Variants in MTMR4 observed in about 807,000 individuals in gnomAD.
MTMR4 encodes the protein myotubularin related protein 4, also known as phosphatidylinositol-3,5-bisphosphate 3-phosphatase MTMR4.
MTMR4 carries 30 observed loss-of-function variants against 125.5 expected under a neutral mutation model. That is an observed-to-expected ratio of 0.24 (90% CI 0.18 to 0.32). The LOEUF is 0.32. Among genes scored for constraint, MTMR4 ranks in the 10% least tolerant of loss-of-function variants. The pLI is 1.00. For missense variants in MTMR4, 1,039 were observed against 1,511.5 expected (o/e 0.69, Z 5.18); for synonymous variants, 498 against 564.5 (o/e 0.88, Z 1.67).
chr17:58,515,459 A>T (rs1369567251), upstream of MTMR4, among the ~76,000 whole-genome samples: 1 of 152,184 alleles, frequency 6.6e-6, no homozygotes, highest in East Asian at 1.9e-4. Context: ...GGAGTAATAA[A>T]AGAAAACCTG....
chr17:58,496,267 A>C lies in MTMR4; in HGVS notation c.1917T>G (p.Thr639=), dbSNP rs1372910866. 1.9e-6 allele frequency: 3 copies of C among 1,613,808 alleles called. No homozygotes were observed. The African/African-American group carries it at 4.0e-5, about 22-fold the overall frequency. Residue 639 remains threonine (T), a synonymous_variant, in exon 15 of 18, where the codon ACT becomes ACG. Transcript: ENST00000682306. ...LSACDTSSPL[T]RTSSDPNLNN... ...TCAGGTTAGGGTCACTGGATGTACG[A>C]GTCAGGGGGCTGCTTGTGTCACAGG...
Position 58,512,237 on chromosome 17 carries a change from C to T in MTMR4, c.252+153G>A, listed in dbSNP as rs1385107528. ...CTGACCTCAAGTGATCCACCCGCCT[C>T]GGCCTCCCAAAGTGCTGGGATTACA... On this transcript the variant is annotated intron_variant, in intron 3 of 17. Transcript: ENST00000682306. The surrounding 1 kb of genome is among the most constrained non-coding windows in gnomAD (Gnocchi z 4.1). 4.6e-5 allele frequency among the ~76,000 whole-genome samples: 7 copies of T among 152,204 alleles called. No homozygotes were observed. The highest frequency in any genetic ancestry group is 1.0e-4 in the Non-Finnish European group (7 of 68,028).
chr17:58,502,300 G>A (rs1167076674), intron 14 of MTMR4, among the ~76,000 whole-genome samples: 3 of 151,674 alleles, frequency 2.0e-5, no homozygotes, highest in Non-Finnish European at 4.4e-5. Context: ...TGGGATTACA[G>A]GTGCCTGCCA....
chr17:58,491,933 G>T, intron 17 of MTMR4, 93 bp from the exon 18 acceptor site: 1 of 1,224,766 alleles, frequency 8.2e-7, no homozygotes, highest in Non-Finnish European at 1.1e-6. Context: ...CACTTTGGTA[G>T]GCTGAGGCAG....
intron 10 of MTMR4, 28 bp downstream of exon 10, chr17:58,505,444 G>T (rs1975753399): frequency 8.4e-6 from 13 of 1,539,554 alleles, no homozygotes; most frequent in Non-Finnish European, 1.2e-5. Context: ...GAATGAGACT[G>T]GAAGGAATCC....
In MTMR4 at chr17:58,491,770, C is replaced by G; in HGVS notation, c.3523G>C (p.Asp1175His). Residue 1175 changes from aspartate to histidine, a missense_variant, in exon 18 of 18, where the codon GAC (aspartate) becomes CAC (histidine). By Grantham distance (81) the Asp-to-His change is moderately conservative (BLOSUM62 -1). This residue lies in a region of MTMR4 where 60 missense variants were observed against 129.6 expected (regional missense o/e 0.46). Transcript: ENST00000682306. ...KLPIPDQQLY[D>H]PVLVCNSCYE... ...CATGAGTTACAGACGAGAACTGGGT[C>G]ATAGAGTTGCTGATCAGGAATGGGC... is the stretch of plus-strand genomic sequence containing the variant. 6.2e-7 allele frequency: 1 copy of G among 1,614,076 alleles called. No homozygotes were observed.
chr17:58,513,087 G>C (rs982432674), intron 1 of MTMR4, 146 bp from the exon 2 acceptor site: 2 of 664,810 alleles, frequency 3.0e-6, no homozygotes, highest in African/African-American at 3.8e-5. Flanking sequence ...AAAGAGATCT[G>C]ACTTGGTTGG....
Position 58,512,362 on chromosome 17 carries a change from G to A in MTMR4, c.252+28C>T, listed in dbSNP as rs1314915377. On this transcript the variant is annotated intron_variant, in intron 3 of 17. Coordinates refer to ENST00000682306, the MANE Select transcript of MTMR4 (RefSeq NM_001378067.1). The surrounding 1 kb of genome is among the most constrained non-coding windows in gnomAD (Gnocchi z 4.1). ...TGAACTTCATAGGGATTCTAGCTTA[G>A]GGGTAGGAGAACAATACAGAAACTC... 6.5e-7 allele frequency: 1 copy of A among 1,527,734 alleles called. No homozygotes were observed. Among genetic ancestry groups the A allele is most frequent in the South Asian group, 1.1e-5 (1 of 89,270 alleles). The allele number at this position is 1,527,734 out of a possible 1,614,324, so 94.6% of individuals were successfully genotyped here.
At chr17:58,505,231 T>A (rs1975745534) in intron 10 of MTMR4, among the ~76,000 whole-genome samples, 1 of 152,192 alleles carries the variant, frequency 6.6e-6, no homozygotes, top group Non-Finnish European at 1.5e-5. Flanking sequence ...CTCTCCCCAG[T>A]TCTCTGTGTT....
upstream of MTMR4, chr17:58,516,508 G>A (rs1377904970): frequency 6.5e-7 from 1 of 1,531,694 alleles, no homozygotes; most frequent in Non-Finnish European, 9.0e-7. Flanking sequence ...TAGGACAGGT[G>A]GGGCAGCTTC....
intron 14 of MTMR4, 117 bp from the exon 15 acceptor site, chr17:58,496,447 A>G (rs1391044505): frequency 2.4e-5 from 19 of 804,274 alleles, no homozygotes; most frequent in Non-Finnish European, 3.1e-5. Context: ...GACACTTAAG[A>G]ACACTTAAGT....
In MTMR4 at chr17:58,512,380, A is replaced by T. The variant is rs1182504041; in HGVS notation, c.252+10T>A. The T allele has an allele frequency of 3.8e-6, 6 of 1,599,064 alleles. No homozygotes were observed. The highest frequency in any genetic ancestry group is 5.1e-6 in the Non-Finnish European group (6 of 1,166,200). On this transcript the variant is annotated intron_variant, in intron 3 of 17. Coordinates refer to ENST00000682306, the MANE Select transcript of MTMR4 (RefSeq NM_001378067.1). The surrounding 1 kb of genome is among the most constrained non-coding windows in gnomAD (Gnocchi z 4.1). ...TAGCTTAGGGGTAGGAGAACAATAC[A>T]GAAACTCACGTTGATGACAGAGTCC...
At chr17:58,514,181 C>T (rs2143940636) in intron 1 of MTMR4, 182 bp downstream of exon 1, 1 of 464,088 alleles carries the variant, frequency 2.2e-6, no homozygotes, top group Admixed American at 6.4e-5. Flanking sequence ...CTTCGACCAT[C>T]TCCGGCACCC....
At chr17:58,503,691 C>G (rs1331971334) in intron 14 of MTMR4, 53 bp downstream of exon 14, 1 of 1,543,632 alleles carries the variant, frequency 6.5e-7, no homozygotes, top group African/African-American at 1.4e-5. Flanking sequence ...AGATGGGAAA[C>G]AGTTACTGCC....
Position 58,514,541 on chromosome 17 carries a change from T to C in MTMR4, c.-134A>G. On this transcript the variant is annotated 5_prime_UTR_variant, in exon 1 of 18. Transcript: ENST00000682306. ...GGCGGCCAAGAGGCTAGGGCGCTGGTGGCCGGGCCTCCGCGCGGCTCCCGC... is the reference window on the plus strand; with the variant it reads ...GGCGGCCAAGAGGCTAGGGCGCTGGCGGCCGGGCCTCCGCGCGGCTCCCGC... 1 of 985,056 alleles carries C rather than the reference T, an allele frequency of 1.0e-6. No homozygotes were observed. Among genetic ancestry groups the C allele is most frequent in the Non-Finnish European group, 1.2e-6 (1 of 829,828 alleles). 61.0% of individuals were successfully genotyped at this position (985,056 alleles called of 1,614,324 possible).
rs557586966 is a variant in MTMR4, at chr17:58,508,667, T to C, written c.496+14A>G. On this transcript the variant is annotated intron_variant, in intron 5 of 17. Transcript: ENST00000682306. The surrounding 1 kb of genome is among the most constrained non-coding windows in gnomAD (Gnocchi z 4.8). The stretch of plus-strand genomic sequence containing the variant: ...GTAAGAAGCAGCCTCCCAAAGAAAA[T>C]AGACTGGCCTCACCTGGCTGACATA... The C allele has an allele frequency of 1.2e-6, 2 of 1,613,490 alleles. No homozygotes were observed. Among genetic ancestry groups the C allele is most frequent in the South Asian group, 1.1e-5 (1 of 91,082 alleles).
At chr17:58,493,733 T>A (rs1005210970) in intron 15 of MTMR4, among the ~76,000 whole-genome samples, 2 of 151,876 alleles carry the variant, frequency 1.3e-5, no homozygotes, top group Non-Finnish European at 2.9e-5. Flanking sequence ...ATAGTTATTA[T>A]TTGGCCTTTT....
At chr17:58,507,010 C>A in intron 8 of MTMR4, 113 bp downstream of exon 8, 1 of 1,557,070 alleles carries the variant, frequency 6.4e-7, no homozygotes, top group African/African-American at 1.4e-5. Flanking sequence ...GGCAGGGACC[C>A]CAGCACCCCG....
At chr17:58,500,638 T>C (rs1320703039) in intron 14 of MTMR4, among the ~76,000 whole-genome samples, 2 of 149,620 alleles carry the variant, frequency 1.3e-5, no homozygotes, top group South Asian at 2.1e-4. Context: ...TAGTCCCAGA[T>C]ACTCGGGAGG....
Sources: allele counts gnomAD v4.1 joint callset (sites outside exome capture counted in the v4.1 genomes callset), GRCh38; gene constraint gnomAD v4.1.1; regional missense constraint gnomAD v4.1.1; non-coding constraint Gnocchi (gnomAD v3.1); transcripts MANE v1.5; gene names NCBI Gene and HGNC (gene_info 2026-07-23, HGNC 2026-07-21).